Variants in FAM193A observed in about 807,000 individuals in gnomAD.
FAM193A encodes the protein protein FAM193A.
Under a neutral mutation model 126.5 loss-of-function variants are expected in FAM193A, and 22 were observed. That is an observed-to-expected ratio of 0.17 (90% confidence interval 0.12 to 0.25). The LOEUF (loss-of-function observed/expected upper bound fraction) is 0.25, where lower values mean the gene tolerates loss of function less well. Among genes scored for constraint, FAM193A ranks in the 10% least tolerant of loss-of-function variants. The pLI, the probability that FAM193A is intolerant of heterozygous loss-of-function variation, is 1.00. For missense variants in FAM193A, 1,675 were observed against 1,672.8 expected, an observed-to-expected ratio of 1.00 and a Z score of -0.02; for synonymous variants, 761 against 646.8, an observed-to-expected ratio of 1.18 and a Z score of -2.68.
chr4:2,592,613 G>T (rs1047656694), intron 1 of FAM193A, among the ~76,000 whole-genome samples: 36 of 152,328 alleles, frequency 2.4e-4, no homozygotes, highest in African/African-American at 7.9e-4. Flanking sequence ...CAGGCTTCCT[G>T]CCTGGAGAGA....
rs745620965 is a variant in FAM193A at position 2,693,666 on chromosome 4, G to T, written c.2884G>T (p.Ala962Ser). The change falls in exon 16 of 21, where the codon GCC (alanine) becomes TCC (serine). Residue 962 changes from alanine to serine, a missense_variant. Physicochemically the swap from Ala to Ser is moderately conservative, Grantham distance 99. Transcript: ENST00000637812. ...CCCGAGGAATAGCCCCACGGGCTTG[G>T]CCCCCCTCCCAGCGCTCTCGCCTGC... ...AAPRNSPTGL[A>S]PLPALSPAAL... The T allele has an allele frequency of 1.7e-5, 27 of 1,614,026 alleles. No individual in the cohort carries two copies. Among genetic ancestry groups the T allele is most frequent in the Non-Finnish European group, 2.2e-5 (26 of 1,180,000 alleles).
At chr4:2,718,831 C>A (rs368102609) in intron 20 of FAM193A, among the ~76,000 whole-genome samples, 3 of 152,136 alleles carry the variant, frequency 2.0e-5, no homozygotes, top group East Asian at 1.9e-4. Flanking sequence ...AACTTCATTA[C>A]AATTGACTTT....
At position 2,596,131 on chromosome 4, in the gene FAM193A, T is replaced by C. The variant is rs1170221361; in HGVS notation, c.303T>C (p.Ala101=). Residue 101 remains alanine, a synonymous_variant, in exon 2 of 21, where the codon GCT becomes GCC. Transcript: ENST00000637812. ...GMNHRTPPYP[A]GDYCLLCRSE... The stretch of plus-strand genomic sequence containing the variant: ...ATCATAGGACACCACCCTACCCTGC[T>C]GGGGATTATTGTCTTCTGTGCAGAA... 3 of 703,026 alleles carry C rather than the reference T, an allele frequency of 4.3e-6. No homozygotes were observed. The highest frequency in any genetic ancestry group is 4.0e-5 in the Admixed American group (2 of 50,016). 43.5% of individuals were successfully genotyped at this position (703,026 alleles called of 1,614,324 possible).
chr4:2,557,658 A>G (rs1346343948), intron 1 of FAM193A, among the ~76,000 whole-genome samples: 1 of 152,136 alleles, frequency 6.6e-6, no homozygotes, highest in African/African-American at 2.4e-5. Context: ...ATTCAGTAAA[A>G]TGGTTAACTT....
At chr4:2,671,834 G>A (rs151232551) in intron 12 of FAM193A, among the ~76,000 whole-genome samples, 152 of 152,332 alleles carry the variant, frequency 1.0e-3, no homozygotes, top group African/African-American at 3.6e-3. Flanking sequence ...CTGCTCACAT[G>A]TGGGAAGAGA....
intron 20 of FAM193A, among the ~76,000 whole-genome samples, chr4:2,729,785 G>GT (rs557277971): frequency 2.5e-4 from 38 of 152,128 alleles, no homozygotes; most frequent in African/African-American, 8.4e-4. Context: ...TAATTTTTGT[G>GT]TTTTTTTGTA....
intron 1 of FAM193A, among the ~76,000 whole-genome samples, chr4:2,590,923 A>ATACC (rs1190141231): frequency 1.3e-5 from 2 of 151,954 alleles, no homozygotes; most frequent in Non-Finnish European, 2.9e-5. Context: ...GCTACTTGGT[A>ATACC]GGCTGAGGCA....
chr4:2,653,667 C>G (rs1745891749), intron 7 of FAM193A, among the ~76,000 whole-genome samples: 1 of 152,200 alleles, frequency 6.6e-6, no homozygotes, highest in Non-Finnish European at 1.5e-5. Flanking sequence ...TGGTCTAGAT[C>G]TCTTGACCTC....
intron 13 of FAM193A, among the ~76,000 whole-genome samples, chr4:2,685,684 A>G (rs1715654763): frequency 6.6e-6 from 1 of 151,744 alleles, no homozygotes; most frequent in South Asian, 2.1e-4. Context: ...AGTGTTGGGA[A>G]CCTCTCACGT....
chr4:2,550,025 C>CTTTT (rs35806343), intron 1 of FAM193A, among the ~76,000 whole-genome samples: 1 of 132,178 alleles, frequency 7.6e-6, no homozygotes, highest in Non-Finnish European at 1.6e-5. Flanking sequence ...CCGCACCTGG[C>CTTTT]TTTTTTTTTT....
At chr4:2,678,596 C>G (rs1714723537) in intron 13 of FAM193A, among the ~76,000 whole-genome samples, 1 of 152,050 alleles carries the variant, frequency 6.6e-6, no homozygotes, top group Admixed American at 6.6e-5. Flanking sequence ...CTCCTGACCT[C>G]AAGTGATCCG....
chr4:2,590,501 AAAAACAAAAAAAAAACAAAAC>A, intron 1 of FAM193A, among the ~76,000 whole-genome samples: 1 of 43,664 alleles, frequency 2.3e-5, no homozygotes, highest in African/African-American at 1.1e-4. Flanking sequence ...AAAAACAAAA[AAAAACAAAAAAAAAACAAAAC>A]AAAATTAAAA....
At chr4:2,577,220 A>G (rs1004856773) in intron 1 of FAM193A, among the ~76,000 whole-genome samples, 9 of 151,872 alleles carry the variant, frequency 5.9e-5, no homozygotes, top group Non-Finnish European at 1.3e-4. Context: ...ACCTTATAAG[A>G]TATTTTTGGT....
intron 1 of FAM193A, among the ~76,000 whole-genome samples, chr4:2,588,823 C>T (rs1740372222): frequency 2.0e-5 from 3 of 152,158 alleles, no homozygotes; most frequent in Admixed American, 2.0e-4. Flanking sequence ...GGGTTACAAA[C>T]TGCAGTGTGA....
intron 13 of FAM193A, among the ~76,000 whole-genome samples, chr4:2,688,719 G>A (rs1431046117): frequency 2.0e-5 from 3 of 152,256 alleles, no homozygotes; most frequent in Non-Finnish European, 4.4e-5. Context: ...AGTTCGTGGT[G>A]CAAATGTGCA....
intron 2 of FAM193A, among the ~76,000 whole-genome samples, chr4:2,615,768 C>T (rs1392714796): frequency 1.3e-5 from 2 of 152,158 alleles, no homozygotes; most frequent in Non-Finnish European, 2.9e-5. Context: ...CTGCCGTCCT[C>T]GGCCTCCGAA....
intron 1 of FAM193A, among the ~76,000 whole-genome samples, chr4:2,550,776 TTTATTTATTTATTTATTTATTTA>T: frequency 3.0e-4 from 1 of 3,294 alleles, no homozygotes. Flanking sequence ...TATATTTTTA[TTTATTTATTTATTTATTTATTTA>T]TTTATTTATT....
At position 2,626,453 on chromosome 4, in the gene FAM193A, A is replaced by C; in HGVS notation, c.679A>C (p.Asn227His). 1 of 700,928 alleles carries C rather than the reference A, an allele frequency of 1.4e-6. No homozygotes were observed. Among genetic ancestry groups the C allele is most frequent in the Admixed American group, 2.0e-5 (1 of 49,976 alleles). The allele number at this position is 700,928 out of a possible 1,614,324, so 43.4% of individuals were successfully genotyped here. The change falls in exon 4 of 21, where the codon AAC becomes CAC. Residue 227 changes from asparagine (N) to histidine (H), a missense_variant. Physicochemically the swap from Asn to His is moderately conservative, Grantham distance 68. Coordinates refer to ENST00000637812, the MANE Select transcript of FAM193A (RefSeq NM_001366318.2). ...GGACCGGGAACCTCAGCAGCTGCAGAACTACTGGTCAGAAGTGCGCTACAC... is the reference window on the plus strand; with the variant it reads ...GGACCGGGAACCTCAGCAGCTGCAGCACTACTGGTCAGAAGTGCGCTACAC... ...EADREPQQLQ[N>H]YWSEVRYTVR...
chr4:2,581,370 C>T (rs563791505), intron 1 of FAM193A, among the ~76,000 whole-genome samples: 65 of 151,144 alleles, frequency 4.3e-4, no homozygotes, highest in African/African-American at 1.4e-3. Flanking sequence ...TCTCCTGCCT[C>T]AGCCTCCCGA....
Sources: allele counts gnomAD v4.1 joint callset (sites outside exome capture counted in the v4.1 genomes callset), GRCh38; gene constraint gnomAD v4.1.1; transcripts MANE v1.5; gene names NCBI Gene and HGNC (gene_info 2026-07-23, HGNC 2026-07-21).